The following ADORA2B variants were observed in gnomAD, a reference collection of about 807,000 sequenced individuals.
ADORA2B encodes the protein adenosine receptor A2b.
ADORA2B carries 18 observed loss-of-function variants against 20.8 expected under a neutral mutation model. That is an observed-to-expected ratio of 0.87 (90% CI 0.60 to 1.29). ADORA2B has a LOEUF of 1.29. Ranked by LOEUF, ADORA2B falls within the 50% of genes most tolerant of loss-of-function variation. ADORA2B has a pLI of 0.00. For synonymous variants in ADORA2B, 179 were observed against 178.3 expected (o/e 1.00, Z -0.03); for missense variants, 441 against 422.7 (o/e 1.04, Z -0.38).
intron 1 of ADORA2B, among the ~76,000 whole-genome samples, chr17:15,960,370 C>T (rs113490838): frequency 3.3e-4 from 4 of 11,990 alleles, no homozygotes; most frequent in Non-Finnish European, 3.3e-3. Context: ...CTGGCTAACA[C>T]GGTGAAACCC....
chr17:15,883,640 A>G, the ADORA2B span, among the ~76,000 whole-genome samples: 1 of 152,234 alleles, frequency 6.6e-6, no homozygotes, highest in Non-Finnish European at 1.5e-5. Flanking sequence ...CCCGTCATCA[A>G]AGGGCACATG....
intron 1 of ADORA2B, among the ~76,000 whole-genome samples, chr17:15,959,166 A>G (rs28709234): frequency 4.7e-4 from 72 of 152,302 alleles, no homozygotes; most frequent in African/African-American, 1.6e-3. Context: ...TTGATGGGGA[A>G]TGGTTAGCAG....
the ADORA2B span, among the ~76,000 whole-genome samples, chr17:15,894,549 G>A: frequency 6.6e-6 from 1 of 152,238 alleles, no homozygotes; most frequent in Non-Finnish European, 1.5e-5. Flanking sequence ...AGGGGGCAGG[G>A]CCTGCAGAGC....
rs1462146677 is a variant in ADORA2B at position 15,945,349 on chromosome 17, C to T, written c.101C>T (p.Thr34Met). ...GNVLVCAAVG[T>M]ANTLQTPTNY... ...GTGCTGGTGTGCGCCGCGGTGGGCA[C>T]GGCGAACACTCTGCAGACGCCCACC... Residue 34 changes from threonine (T) to methionine (M), a missense_variant, in exon 1 of 2, where the codon ACG becomes ATG. By Grantham distance (81) the Thr-to-Met change is moderately conservative. Transcript: ENST00000304222. 3.7e-6 allele frequency: 6 copies of T among 1,607,948 alleles called. No individual in the cohort carries two copies. The highest frequency in any genetic ancestry group is 3.3e-5 in the South Asian group (3 of 90,544).
At chr17:15,901,206 C>T in the ADORA2B span, among the ~76,000 whole-genome samples, 1 of 152,190 alleles carries the variant, frequency 6.6e-6, no homozygotes, top group Non-Finnish European at 1.5e-5. Flanking sequence ...TGGCTCACAC[C>T]TGTAATCCCA....
chr17:15,912,715 G>A, the ADORA2B span, among the ~76,000 whole-genome samples: 1 of 152,212 alleles, frequency 6.6e-6, no homozygotes, highest in Non-Finnish European at 1.5e-5. Flanking sequence ...GTGAACACAT[G>A]CACACAAACA....
At chr17:15,967,704 A>G (rs1055641860) in intron 1 of ADORA2B, among the ~76,000 whole-genome samples, 6 of 152,226 alleles carry the variant, frequency 3.9e-5, no homozygotes, top group Admixed American at 1.3e-4. Context: ...TACAAAGGAC[A>G]TAGACCAGGG....
the ADORA2B span, among the ~76,000 whole-genome samples, chr17:15,879,453 T>C: frequency 1.3e-5 from 2 of 150,108 alleles, no homozygotes. Context: ...TCCCTGACTT[T>C]AAAAAATAAA....
chr17:15,940,679 C>T (rs752326779), upstream of ADORA2B, among the ~76,000 whole-genome samples: 15 of 152,276 alleles, frequency 9.9e-5, no homozygotes, highest in South Asian at 2.1e-4. Context: ...CAAGTTTATT[C>T]GGAGGGTAAC....
At chr17:15,864,341 G>T in the ADORA2B span, among the ~76,000 whole-genome samples, 2 of 152,258 alleles carry the variant, frequency 1.3e-5, no homozygotes, top group Admixed American at 1.3e-4. Flanking sequence ...ACATATGGGT[G>T]TATGCAGAGC....
the ADORA2B span, among the ~76,000 whole-genome samples, chr17:15,859,312 CT>C: frequency 6.8e-6 from 1 of 148,096 alleles, no homozygotes; most frequent in Non-Finnish European, 1.5e-5. Context: ...CCAGAAGTTG[CT>C]TGTCAACATT....
In ADORA2B at chr17:15,975,219, C is replaced by T. The variant is rs555538647; in HGVS notation, c.876C>T (p.Tyr292=). The change falls in exon 2 of 2, where the codon TAC becomes TAT. Residue 292 remains tyrosine, a synonymous_variant. Transcript: ENST00000304222. ...NSVVNPIVYA[Y]RNRDFRYTFH... Reference sequence around the variant, plus strand: ...TTGTCAATCCCATTGTCTATGCTTACCGGAACCGAGACTTCCGCTACACTT... The same window carrying T: ...TTGTCAATCCCATTGTCTATGCTTATCGGAACCGAGACTTCCGCTACACTT... 1.2e-6 allele frequency: 2 copies of T among 1,614,048 alleles called. No homozygotes were observed. Among genetic ancestry groups the T allele is most frequent in the South Asian group, 1.1e-5 (1 of 91,084 alleles).
the ADORA2B span, among the ~76,000 whole-genome samples, chr17:15,886,156 C>G: frequency 2.0e-5 from 3 of 152,186 alleles, no homozygotes; most frequent in Non-Finnish European, 4.4e-5. Context: ...CCAAGAACCT[C>G]TCAGTGCCAT....
chr17:15,942,828 C>A (rs1969756653), upstream of ADORA2B, among the ~76,000 whole-genome samples: 1 of 152,200 alleles, frequency 6.6e-6, no homozygotes, highest in African/African-American at 2.4e-5. Flanking sequence ...AGGCCTTTTT[C>A]TCTTCACTCT....
At chr17:15,885,191 T>G in the ADORA2B span, among the ~76,000 whole-genome samples, 2 of 152,246 alleles carry the variant, frequency 1.3e-5, no homozygotes, top group Admixed American at 1.3e-4. Context: ...TTTTTTCATA[T>G]GTTTCTCCGC....
the ADORA2B span, among the ~76,000 whole-genome samples, chr17:15,879,461 A>T: frequency 3.4e-5 from 5 of 145,796 alleles, no homozygotes; most frequent in South Asian, 2.1e-4. Context: ...TTTAAAAAAT[A>T]AAAAAAAAAA....
the ADORA2B span, among the ~76,000 whole-genome samples, chr17:15,907,552 C>A: frequency 6.6e-6 from 1 of 152,126 alleles, no homozygotes; most frequent in Non-Finnish European, 1.5e-5. Context: ...ATGCCCTTGC[C>A]CCTCCCTTTC....
At chr17:15,887,653 A>C in the ADORA2B span, among the ~76,000 whole-genome samples, 1 of 128,324 alleles carries the variant, frequency 7.8e-6, no homozygotes, top group African/African-American at 3.4e-5. Context: ...ATTTTTTTAA[A>C]TTTTAAAAGA....
the ADORA2B span, chr17:15,860,822 C>T: frequency 6.7e-5 from 12 of 178,768 alleles, no homozygotes; most frequent in East Asian, 1.4e-3. Context: ...TCGTTCCCAC[C>T]GATCTTTGAA....
Sources: gnomAD v4.1 joint callset for allele counts (sites outside exome capture counted in the v4.1 genomes callset) on GRCh38, gnomAD v4.1.1 for gene constraint, MANE v1.5 for transcripts, NCBI Gene and HGNC (gene_info 2026-07-23, HGNC 2026-07-21) for gene names.